Variants in CACNA1B observed in about 807,000 individuals in gnomAD.
CACNA1B encodes the protein calcium voltage-gated channel subunit alpha1 B.
A neutral mutation model predicts 247.2 loss-of-function variants in CACNA1B; 70 were observed. The observed-to-expected ratio is 0.28, with a 90% CI of 0.23 to 0.35. The LOEUF (loss-of-function observed/expected upper bound fraction) is 0.35. Ranked by LOEUF, CACNA1B falls within the 10% of genes least tolerant of loss-of-function variation. The probability of loss-of-function intolerance (pLI) is 1.00; values close to 1 mark genes in which losing one functional copy is unlikely to be tolerated. For missense variants in CACNA1B, 2,367 were observed against 3,197.4 expected (o/e 0.74, Z 6.26); for synonymous variants, 1,231 against 1,294.4 (o/e 0.95, Z 1.05).
chr9:138,092,951 A>G (rs947473215), intron 36 of CACNA1B, among the ~76,000 whole-genome samples: 3 of 152,208 alleles, frequency 2.0e-5, no homozygotes, highest in Non-Finnish European at 4.4e-5. Flanking sequence ...AAAATATTGC[A>G]AACTATTCAT....
chr9:138,114,513 C>T (rs202100581), intron 41 of CACNA1B, 23 bp downstream of exon 41: 27 of 1,277,176 alleles, frequency 2.1e-5, no homozygotes, highest in Non-Finnish European at 2.9e-5. Flanking sequence ...CCTCAGTTTT[C>T]CAGGAAAACT....
At chr9:137,945,336 G>A (rs1957782475) in intron 6 of CACNA1B, among the ~76,000 whole-genome samples, 2 of 152,298 alleles carry the variant, frequency 1.3e-5, no homozygotes, top group Middle Eastern at 3.4e-3. Flanking sequence ...GTCCTACTAG[G>A]TGACCCAGAT....
rs1564237025 is a variant in CACNA1B, at chr9:138,011,630, C to A, written c.2161-1499C>A. ...TTAGAACACTCCCTGGAGTGACTGGCAAAGTCCCTGCCCCAGAGGGTGGGA... is the reference window on the plus strand; with the variant it reads ...TTAGAACACTCCCTGGAGTGACTGGAAAAGTCCCTGCCCCAGAGGGTGGGA... On this transcript the variant is annotated intron_variant, in intron 17 of 46. Transcript: ENST00000371372. This position sits in a 1 kb window ranked among gnomAD's most constrained non-coding sequence, Gnocchi z 4.2. Among the ~76,000 whole-genome samples, 1 of 152,174 alleles carries A rather than the reference C, an allele frequency of 6.6e-6. No homozygotes were observed.
chr9:138,047,083 G>C lies in CACNA1B; in HGVS notation c.3543+50G>C, dbSNP rs1383194564. The C allele has an allele frequency of 5.2e-6, 8 of 1,550,542 alleles. 1 individual carries two copies. The highest frequency in any genetic ancestry group is 7.0e-6 in the Non-Finnish European group (8 of 1,143,690). Reference sequence around the variant, plus strand: ...CCCGCCAGGCTGTGGCGGGGGAGCTGGGTGCCTTCCCAGGGGCCCAAGGGG... The same window carrying C: ...CCCGCCAGGCTGTGGCGGGGGAGCTCGGTGCCTTCCCAGGGGCCCAAGGGG... On this transcript the variant is annotated intron_variant, in intron 22 of 46. Transcript: ENST00000371372.
intron 6 of CACNA1B, among the ~76,000 whole-genome samples, chr9:137,924,309 C>T (rs1957526119): frequency 1.3e-5 from 2 of 150,536 alleles, no homozygotes; most frequent in South Asian, 4.2e-4. Flanking sequence ...GCCTTCCTTC[C>T]TTCCTTCTTT....
intron 15 of CACNA1B, among the ~76,000 whole-genome samples, chr9:138,002,885 C>T: frequency 6.6e-6 from 1 of 151,430 alleles, no homozygotes; most frequent in South Asian, 2.1e-4. Flanking sequence ...ACTGTAACCT[C>T]CGCCTCCCGG....
At chr9:138,017,326 G>A (rs1284175611) in intron 18 of CACNA1B, 4 of 443,484 alleles carry the variant, frequency 9.0e-6, no homozygotes, top group Non-Finnish European at 1.9e-5. Context: ...GCTCCAGGCC[G>A]GGCTTCTGTG....
chr9:138,116,169 TC>T lies in CACNA1B; in HGVS notation c.5777+491del, dbSNP rs535428449. ...AGCAGACGCTGAGATTCCACCTCCATCTCCCACCCCTTTCTGTCAATGGCCT... is the reference window on the plus strand; with the variant it reads ...AGCAGACGCTGAGATTCCACCTCCATTCCCACCCCTTTCTGTCAATGGCCT... On this transcript the variant is annotated intron_variant, in intron 42 of 46. Coordinates refer to ENST00000371372, the MANE Select transcript of CACNA1B (RefSeq NM_000718.4). Among the ~76,000 whole-genome samples the T allele has an allele frequency of 2.5e-3, 382 of 152,286 alleles. 1 individual carries two copies. Among genetic ancestry groups the T allele is most frequent in the Non-Finnish European group, 4.5e-3 (305 of 68,008 alleles).
chr9:138,115,639 C>G lies in CACNA1B; in HGVS notation c.5737C>G (p.Arg1913Gly), dbSNP rs755770252. Residue 1913 changes from arginine (R) to glycine (G), a missense_variant, in exon 42 of 47, where the codon CGA becomes GGA. Arg to Gly is a moderately radical substitution (Grantham distance 125). This residue lies in a region of CACNA1B where 773 missense variants were observed against 779.4 expected (regional missense o/e 0.99). Coordinates refer to ENST00000371372, the MANE Select transcript of CACNA1B (RefSeq NM_000718.4). ...GCTCCGAGGAGCCCGGGTTTTCCTT[C>G]GACAGAAGAGTTCCACCTCCCTCAG... ...AVLRGARVFL[R>G]QKSSTSLSNG... The G allele has an allele frequency of 1.9e-6, 3 of 1,613,618 alleles. No homozygotes were observed. Among genetic ancestry groups the G allele is most frequent in the Non-Finnish European group, 2.5e-6 (3 of 1,179,798 alleles).
At position 137,971,322 on chromosome 9, in the gene CACNA1B, C is replaced by A; in HGVS notation, c.1334-61C>A. 3 of 1,259,536 alleles carry A rather than the reference C, an allele frequency of 2.4e-6. No individual in the cohort carries two copies. Among genetic ancestry groups the A allele is most frequent in the Non-Finnish European group, 2.3e-6 (2 of 882,732 alleles). 78.0% of individuals were successfully genotyped at this position (1,259,536 alleles called of 1,614,324 possible). A position where few individuals can be genotyped will look rare whatever the true frequency, so the allele number is the denominator to read the frequency against. ...TCCAGAGTGCGTCTGTGGGGGTCCA[C>A]AGGTGGGGTAGGCGGGTGCCCATTG... On this transcript the variant is annotated intron_variant, in intron 10 of 46. Coordinates refer to ENST00000371372, the MANE Select transcript of CACNA1B (RefSeq NM_000718.4). This position sits in a 1 kb window ranked among gnomAD's most constrained non-coding sequence, Gnocchi z 4.4.
Position 137,955,831 on chromosome 9 carries a change from C to G in CACNA1B, c.1186+18C>G. ...CAAGGCGGGTGAGGGCCCGTGGGAG[C>G]CACTGCACTCCTGGCCGGCCACTGT... On this transcript the variant is annotated intron_variant, in intron 8 of 46. Coordinates refer to ENST00000371372, the MANE Select transcript of CACNA1B (RefSeq NM_000718.4). The surrounding 1 kb of genome is among the most constrained non-coding windows in gnomAD (Gnocchi z 6.9). 1 of 1,467,978 alleles carries G rather than the reference C, an allele frequency of 6.8e-7. No homozygotes were observed. The highest frequency in any genetic ancestry group is 9.4e-7 in the Non-Finnish European group (1 of 1,059,354). 90.9% of individuals were successfully genotyped at this position (1,467,978 alleles called of 1,614,324 possible). A position where few individuals can be genotyped will look rare whatever the true frequency, so the allele number is the denominator to read the frequency against.
At chr9:138,095,641 G>C (rs1190316756) in intron 36 of CACNA1B, among the ~76,000 whole-genome samples, 4 of 152,142 alleles carry the variant, frequency 2.6e-5, no homozygotes, top group Non-Finnish European at 5.9e-5. Context: ...GAAATGAAAA[G>C]ATGTATCTGC....
chr9:137,923,557 C>T (rs1417383529), intron 6 of CACNA1B, among the ~76,000 whole-genome samples: 6 of 152,202 alleles, frequency 3.9e-5, no homozygotes, highest in African/African-American at 1.4e-4. Flanking sequence ...TGTACCATGG[C>T]TTGTTTAACC....
chr9:137,996,691 C>T (rs1027685000), intron 15 of CACNA1B, among the ~76,000 whole-genome samples: 11 of 152,190 alleles, frequency 7.2e-5, no homozygotes, highest in African/African-American at 2.6e-4. Context: ...TTAAAAATCT[C>T]CTGCTCAAGT....
intron 18 of CACNA1B, among the ~76,000 whole-genome samples, chr9:138,022,589 G>T (rs955823272): frequency 2.6e-5 from 4 of 152,094 alleles, no homozygotes; most frequent in Non-Finnish European, 5.9e-5. Flanking sequence ...AGCTCCCAGG[G>T]AGGCTACAGG....
intron 39 of CACNA1B, 53 bp from the exon 40 acceptor site, chr9:138,112,345 G>A: frequency 7.4e-7 from 1 of 1,356,988 alleles, no homozygotes; most frequent in South Asian, 1.2e-5. Flanking sequence ...CGGCTGCAGG[G>A]CTGCTCCTAA....
In CACNA1B at chr9:137,971,316, G is replaced by A. The variant is rs558186788; in HGVS notation, c.1334-67G>A. On this transcript the variant is annotated intron_variant, in intron 10 of 46. Coordinates refer to ENST00000371372, the MANE Select transcript of CACNA1B (RefSeq NM_000718.4). The surrounding 1 kb of genome is among the most constrained non-coding windows in gnomAD (Gnocchi z 4.4). ...GTGTCCTCCAGAGTGCGTCTGTGGG[G>A]GTCCACAGGTGGGGTAGGCGGGTGC... 100 of 1,155,696 alleles carry A rather than the reference G, an allele frequency of 8.7e-5. 4 individuals are homozygous for A. In the South Asian group the frequency reaches 1.3e-3, roughly 15 times the overall value. 71.6% of individuals were successfully genotyped at this position (1,155,696 alleles called of 1,614,324 possible). A position where few individuals can be genotyped will look rare whatever the true frequency, so the allele number is the denominator to read the frequency against.
chr9:137,933,903 A>T (rs759257900), intron 6 of CACNA1B, among the ~76,000 whole-genome samples: 1 of 152,148 alleles, frequency 6.6e-6, no homozygotes, highest in East Asian at 1.9e-4. Flanking sequence ...CAAAAAAAAA[A>T]TTACTTATTT....
At chr9:138,039,789 A>G (rs1959094190) in intron 20 of CACNA1B, among the ~76,000 whole-genome samples, 1 of 151,830 alleles carries the variant, frequency 6.6e-6, no homozygotes, top group South Asian at 2.1e-4. Flanking sequence ...CTTGTTCTAT[A>G]TGTGCTTCCG....
Sources: allele counts gnomAD v4.1 joint callset (sites outside exome capture counted in the v4.1 genomes callset), GRCh38; gene constraint gnomAD v4.1.1; regional missense constraint gnomAD v4.1.1; non-coding constraint Gnocchi (gnomAD v3.1); transcripts MANE v1.5; gene names NCBI Gene and HGNC (gene_info 2026-07-23, HGNC 2026-07-21).